Variants in GRIK4 observed in about 807,000 individuals in gnomAD.
GRIK4 encodes the protein glutamate receptor ionotropic, kainate 4.
GRIK4 carries 40 observed loss-of-function variants against 104.9 expected under a neutral mutation model. The observed-to-expected ratio is 0.38, with a 90% CI of 0.30 to 0.50. The LOEUF is 0.50. GRIK4 is among the 20% of genes least tolerant of loss of function. GRIK4 has a pLI of 0.93. For synonymous variants in GRIK4, 485 were observed against 524.9 expected (o/e 0.92, Z 1.04); for missense variants, 1,047 against 1,308.1 (o/e 0.80, Z 3.08).
At chr11:120,660,067 C>T (rs1157165839) in intron 2 of GRIK4, among the ~76,000 whole-genome samples, 1 of 152,202 alleles carries the variant, frequency 6.6e-6, no homozygotes. Context: ...TAATGACACG[C>T]CATGAATCAT....
intron 14 of GRIK4, among the ~76,000 whole-genome samples, chr11:120,942,381 G>T (rs1943746828): frequency 6.6e-6 from 1 of 152,130 alleles, no homozygotes. Context: ...GGAGTCGGGG[G>T]ACATCCAAAA....
chr11:120,657,632 T>G (rs950507415), intron 2 of GRIK4, among the ~76,000 whole-genome samples: 2 of 152,184 alleles, frequency 1.3e-5, no homozygotes, highest in African/African-American at 2.4e-5. Context: ...GCAGGAAAAG[T>G]GCTGCTCTCA....
At chr11:120,668,106 GATA>G (rs1421740391) in intron 3 of GRIK4, among the ~76,000 whole-genome samples, 166 of 56,666 alleles carry the variant, frequency 2.9e-3, no homozygotes, top group African/African-American at 8.5e-3. Context: ...TAGATGGATA[GATA>G]GATAGATAGA....
intron 11 of GRIK4, among the ~76,000 whole-genome samples, chr11:120,896,187 TGGA>T (rs1381870653): frequency 1.3e-5 from 2 of 152,146 alleles, no homozygotes; most frequent in African/African-American, 4.8e-5. Flanking sequence ...AATTGAATGG[TGGA>T]GGAGTCAGAC....
At chr11:120,830,507 G>A (rs893687914) in intron 6 of GRIK4, among the ~76,000 whole-genome samples, 9 of 152,214 alleles carry the variant, frequency 5.9e-5, no homozygotes, top group Non-Finnish European at 1.2e-4. Context: ...AAAGTCTTCC[G>A]GGGTTGTAGT....
intron 1 of GRIK4, among the ~76,000 whole-genome samples, chr11:120,618,934 T>C (rs1949149060): frequency 6.6e-6 from 1 of 152,110 alleles, no homozygotes; most frequent in Non-Finnish European, 1.5e-5. Flanking sequence ...AAGTATGGGG[T>C]TGGAGCCTCC....
intron 1 of GRIK4, among the ~76,000 whole-genome samples, chr11:120,588,761 T>G (rs1233333010): frequency 6.6e-6 from 1 of 152,086 alleles, no homozygotes; most frequent in Admixed American, 6.5e-5. Context: ...TGTTTGGCAG[T>G]CTCCCTGGCC....
chr11:120,747,832 G>A (rs547384531), intron 3 of GRIK4, among the ~76,000 whole-genome samples: 8 of 152,178 alleles, frequency 5.3e-5, no homozygotes, highest in Non-Finnish European at 1.0e-4. Flanking sequence ...CTTTGCGTGT[G>A]CGTGGCTACG....
chr11:120,589,508 C>T (rs963981711), intron 1 of GRIK4, among the ~76,000 whole-genome samples: 7 of 152,174 alleles, frequency 4.6e-5, no homozygotes, highest in African/African-American at 1.7e-4. Context: ...TGCTGGCCAC[C>T]CGTGTCTCAC....
chr11:120,612,493 T>C (rs1035905356), intron 1 of GRIK4, among the ~76,000 whole-genome samples: 1 of 88,074 alleles, frequency 1.1e-5, no homozygotes, highest in Admixed American at 1.2e-4. Flanking sequence ...ATTAAGACTT[T>C]TGAGGCAAAA....
Position 120,903,243 on chromosome 11 carries a change from C to T in GRIK4, c.1273-2047C>T, listed in dbSNP as rs756233819. ...CTGCATCCAGCCTCCCCTCTGCAGCCGGGCCTTGGTAATCCCTGAGCCCAG... is the reference window on the plus strand; with the variant it reads ...CTGCATCCAGCCTCCCCTCTGCAGCTGGGCCTTGGTAATCCCTGAGCCCAG... On this transcript the variant is annotated intron_variant, in intron 12 of 20. Coordinates refer to ENST00000527524, the MANE Select transcript of GRIK4 (RefSeq NM_014619.5). This position sits in a 1 kb window ranked among gnomAD's most constrained non-coding sequence, Gnocchi z 4.4. Among the ~76,000 whole-genome samples, 1 of 152,168 alleles carries T rather than the reference C, an allele frequency of 6.6e-6. No individual in the cohort carries two copies. Among genetic ancestry groups the T allele is most frequent in the Non-Finnish European group, 1.5e-5 (1 of 68,040 alleles).
intron 20 of GRIK4, among the ~76,000 whole-genome samples, chr11:120,982,556 C>G (rs1944669603): frequency 6.6e-6 from 1 of 152,042 alleles, no homozygotes; most frequent in Admixed American, 6.6e-5. Flanking sequence ...CATGCGAACC[C>G]AAGAATTTTA....
intron 3 of GRIK4, among the ~76,000 whole-genome samples, chr11:120,750,131 G>C (rs115933113): frequency 0.031 from 4,712 of 152,176 alleles, 110 homozygotes; most frequent in Middle Eastern, 0.058. Flanking sequence ...TTGTGGCAGA[G>C]TTGAGACAGG....
chr11:120,926,957 G>T (rs898811940), intron 13 of GRIK4, among the ~76,000 whole-genome samples: 1 of 152,242 alleles, frequency 6.6e-6, no homozygotes, highest in Non-Finnish European at 1.5e-5. Context: ...AGGGAAGGCT[G>T]CATTGATGGC....
intron 1 of GRIK4, among the ~76,000 whole-genome samples, chr11:120,526,977 ACACTT>A (rs1370404350): frequency 2.6e-5 from 4 of 152,284 alleles, no homozygotes; most frequent in Non-Finnish European, 5.9e-5. Context: ...TAGTGGTTGA[ACACTT>A]TAGGCAGAAG....
chr11:120,817,793 A>AGCTCCCCT (rs1952999489), intron 5 of GRIK4, among the ~76,000 whole-genome samples: 1 of 152,024 alleles, frequency 6.6e-6, no homozygotes, highest in Non-Finnish European at 1.5e-5. Flanking sequence ...AAGGCTCCCC[A>AGCTCCCCT]TCAGCTCCCC....
chr11:120,986,244 G>C lies in GRIK4; in HGVS notation c.2855G>C (p.Ser952Thr), dbSNP rs1278248180. The C allele has an allele frequency of 9.7e-6, 15 of 1,543,248 alleles. No individual in the cohort carries two copies. The highest frequency in any genetic ancestry group is 1.3e-5 in the Non-Finnish European group (15 of 1,153,920). The change falls in exon 21 of 21, where the codon AGC becomes ACC. Residue 952 changes from serine (S) to threonine (T), a missense_variant. Coordinates refer to ENST00000527524, the MANE Select transcript of GRIK4 (RefSeq NM_014619.5). Reference protein sequence around the residue: ...ESLEWEKTTNSSEPE With the variant: ...ESLEWEKTTNTSEPE ...CTGGAGTGGGAGAAAACCACCAACA[G>C]CAGCGAGCCCGAGTAGTCCCGGAGG...
chr11:120,860,252 C>T (rs1269594865), intron 8 of GRIK4, among the ~76,000 whole-genome samples: 1 of 152,134 alleles, frequency 6.6e-6, no homozygotes, highest in Non-Finnish European at 1.5e-5. Flanking sequence ...TGGCCTGACG[C>T]ACATTTGAAG....
At chr11:120,798,101 C>A (rs991916427) in intron 3 of GRIK4, among the ~76,000 whole-genome samples, 3 of 151,326 alleles carry the variant, frequency 2.0e-5, no homozygotes, top group African/African-American at 7.3e-5. Flanking sequence ...TTGCAGATAG[C>A]CATCTTGTTC....
Sources: gnomAD v4.1 joint callset for allele counts (sites outside exome capture counted in the v4.1 genomes callset) on GRCh38, gnomAD v4.1.1 for gene constraint, Gnocchi (gnomAD v3.1) non-coding constraint, MANE v1.5 for transcripts, NCBI Gene and HGNC (gene_info 2026-07-23, HGNC 2026-07-21) for gene names.